ESRRG: variants seen among roughly 807,000 people sequenced by gnomAD.
ESRRG encodes the protein estrogen-related receptor gamma.
In ESRRG, 13 loss-of-function variants were observed where a neutral mutation model predicts 44.0. The observed-to-expected ratio is 0.30, with a 90% CI of 0.19 to 0.47. ESRRG has a LOEUF of 0.47. Among genes scored for constraint, ESRRG ranks in the 20% least tolerant of loss-of-function variants. The pLI is 1.00. For missense variants in ESRRG, 395 were observed against 580.6 expected, an observed-to-expected ratio of 0.68 and a Z score of 3.29; for synonymous variants, 215 against 214.6, an observed-to-expected ratio of 1.00 and a Z score of -0.02.
chr1:216,710,844 G>A (rs1331641507), intron 1 of ESRRG, among the ~76,000 whole-genome samples: 1 of 151,928 alleles, frequency 6.6e-6, no homozygotes, highest in Non-Finnish European at 1.5e-5. Context: ...TTTGATCTTA[G>A]TACCAGCGAT....
At chr1:216,856,709 A>C (rs2095948053) in intron 2 of ESRRG, among the ~76,000 whole-genome samples, 1 of 152,238 alleles carries the variant, frequency 6.6e-6, no homozygotes, top group African/African-American at 2.4e-5. Context: ...GATCAGGAAG[A>C]GGAAAAAAGA....
chr1:216,538,906 G>A (rs1379937532), intron 5 of ESRRG, among the ~76,000 whole-genome samples: 2 of 151,924 alleles, frequency 1.3e-5, no homozygotes, highest in East Asian at 1.9e-4. Context: ...TCATCGAACA[G>A]GCAAGGGAGA....
intron 1 of ESRRG, among the ~76,000 whole-genome samples, chr1:217,008,772 T>C (rs1001365889): frequency 6.6e-6 from 1 of 152,290 alleles, no homozygotes; most frequent in East Asian, 1.9e-4. Flanking sequence ...TGCACTGTGA[T>C]TGAGTTGAAA....
chr1:216,935,097 A>G (rs954678309), intron 2 of ESRRG, among the ~76,000 whole-genome samples: 13 of 152,204 alleles, frequency 8.5e-5, no homozygotes, highest in Non-Finnish European at 1.5e-4. Context: ...CTACTCTCAC[A>G]TTCAACACAG....
chr1:217,115,436 C>A (rs965993252), intron 1 of ESRRG, among the ~76,000 whole-genome samples: 1 of 152,056 alleles, frequency 6.6e-6, no homozygotes, highest in Non-Finnish European at 1.5e-5. Flanking sequence ...CCTACAGGGC[C>A]CTATATGATC....
chr1:217,119,654 T>A (rs193224769), intron 1 of ESRRG, among the ~76,000 whole-genome samples: 3 of 152,368 alleles, frequency 2.0e-5, no homozygotes, highest in African/African-American at 7.2e-5. Context: ...GGCTTTGATT[T>A]ACTTAGGAGA....
At chr1:216,603,468 A>G (rs1456896881) in intron 3 of ESRRG, among the ~76,000 whole-genome samples, 2 of 152,244 alleles carry the variant, frequency 1.3e-5, no homozygotes, top group African/African-American at 2.4e-5. Flanking sequence ...AGAAAAAAAG[A>G]CACTATTGAA....
At chr1:216,699,836 G>T (rs2081035984) in intron 1 of ESRRG, among the ~76,000 whole-genome samples, 1 of 152,160 alleles carries the variant, frequency 6.6e-6, no homozygotes, top group South Asian at 2.1e-4. Context: ...AAAACTTATT[G>T]TACAAACACA....
At chr1:217,109,240 G>A (rs1166582328) in intron 1 of ESRRG, among the ~76,000 whole-genome samples, 1 of 151,956 alleles carries the variant, frequency 6.6e-6, no homozygotes, top group East Asian at 1.9e-4. Flanking sequence ...TATTCTAAGG[G>A]AACTCCATAG....
At chr1:216,973,095 G>T (rs967270807) in intron 1 of ESRRG, among the ~76,000 whole-genome samples, 4 of 152,114 alleles carry the variant, frequency 2.6e-5, no homozygotes, top group Non-Finnish European at 4.4e-5. Context: ...TCTCAATGAG[G>T]CTCCCTGCTT....
At chr1:216,842,342 G>A (rs1298032794) in intron 2 of ESRRG, among the ~76,000 whole-genome samples, 2 of 152,214 alleles carry the variant, frequency 1.3e-5, no homozygotes, top group South Asian at 2.1e-4. Context: ...ATGCAGGTCC[G>A]TAGGGCATTT....
At chr1:216,998,188 C>T (rs575287398) in intron 1 of ESRRG, among the ~76,000 whole-genome samples, 1 of 152,200 alleles carries the variant, frequency 6.6e-6, no homozygotes, top group Non-Finnish European at 1.5e-5. Flanking sequence ...TGTTTTCAAG[C>T]CATTGTTTCT....
chr1:217,099,321 C>T (rs1232161322), intron 1 of ESRRG, among the ~76,000 whole-genome samples: 1 of 151,456 alleles, frequency 6.6e-6, no homozygotes, highest in Non-Finnish European at 1.5e-5. Flanking sequence ...GGATATTATT[C>T]CTACCTTATA....
At chr1:216,947,735 A>ATC (rs2066286680) in intron 1 of ESRRG, among the ~76,000 whole-genome samples, 3 of 152,126 alleles carry the variant, frequency 2.0e-5, no homozygotes, top group Non-Finnish European at 2.9e-5. Context: ...ATTAACACCC[A>ATC]TCTTTTTCTC....
intron 2 of ESRRG, among the ~76,000 whole-genome samples, chr1:216,901,482 C>T (rs1199239149): frequency 6.6e-6 from 1 of 151,904 alleles, no homozygotes; most frequent in Non-Finnish European, 1.5e-5. Flanking sequence ...ATCCTCCCAC[C>T]TCAGCCTACC....
At chr1:216,658,327 C>G (rs1243275904) in intron 2 of ESRRG, among the ~76,000 whole-genome samples, 1 of 152,104 alleles carries the variant, frequency 6.6e-6, no homozygotes, top group Non-Finnish European at 1.5e-5. Flanking sequence ...CCTCAGGTTC[C>G]CCTAACTTTT....
intron 1 of ESRRG, among the ~76,000 whole-genome samples, chr1:217,023,327 C>A (rs2080659567): frequency 6.6e-6 from 1 of 152,074 alleles, no homozygotes; most frequent in Non-Finnish European, 1.5e-5. Flanking sequence ...TACCAGACAC[C>A]AGGAGGAGGG....
chr1:216,824,234 G>A (rs922720817), intron 2 of ESRRG, among the ~76,000 whole-genome samples: 1 of 152,056 alleles, frequency 6.6e-6, no homozygotes, highest in African/African-American at 2.4e-5. Flanking sequence ...ATCATTTGAG[G>A]TCAGGAGTTT....
intron 5 of ESRRG, among the ~76,000 whole-genome samples, chr1:216,558,630 T>C (rs932409922): frequency 6.6e-5 from 10 of 152,070 alleles, no homozygotes; most frequent in Non-Finnish European, 1.5e-4. Context: ...TTTATACATA[T>C]AAATAATTTG....
Sources: allele counts gnomAD v4.1 joint callset (sites outside exome capture counted in the v4.1 genomes callset), GRCh38; gene constraint gnomAD v4.1.1; transcripts MANE v1.5; gene names NCBI Gene and HGNC (gene_info 2026-07-23, HGNC 2026-07-21).